The following KHDRBS3 variants were observed in gnomAD, a reference collection of about 807,000 sequenced individuals.
The protein encoded by KHDRBS3 is KH RNA binding domain containing, signal transduction associated 3, also known as KH domain-containing, RNA-binding, signal transduction-associated protein 3.
KHDRBS3 carries 23 observed loss-of-function variants against 45.6 expected under a neutral mutation model. The observed-to-expected ratio is 0.50, with a 90% confidence interval of 0.36 to 0.72. The LOEUF is 0.72. KHDRBS3 is among the 30% of genes least tolerant of loss of function. The probability of loss-of-function intolerance (pLI) is 0.00; values close to 1 mark genes in which losing one functional copy is unlikely to be tolerated. For synonymous variants in KHDRBS3, 162 were observed against 156.5 expected (o/e 1.04, Z -0.26); for missense variants, 352 against 424.8 (o/e 0.83, Z 1.51).
intron 5 of KHDRBS3, among the ~76,000 whole-genome samples, chr8:135,558,778 AT>A (rs11365631): frequency 0.8 from 120,220 of 150,616 alleles, 48,408 homozygotes; most frequent in East Asian, 0.96. Context: ...ATTACCACAG[AT>A]TTTTTTTTTT....
At chr8:135,620,888 CCTG>C (rs1427264429) in intron 7 of KHDRBS3, among the ~76,000 whole-genome samples, 3 of 152,182 alleles carry the variant, frequency 2.0e-5, no homozygotes, top group Non-Finnish European at 4.4e-5. Flanking sequence ...TTTATAGAGT[CCTG>C]CAGCAGCAGG....
chr8:135,550,345 G>A (rs951325055), intron 4 of KHDRBS3, among the ~76,000 whole-genome samples: 8 of 152,056 alleles, frequency 5.3e-5, no homozygotes, highest in Admixed American at 1.3e-4. Flanking sequence ...ATTTTCTACT[G>A]TTTTATTTTA....
intron 1 of KHDRBS3, among the ~76,000 whole-genome samples, chr8:135,510,831 C>T (rs375761405): frequency 5.3e-5 from 8 of 152,210 alleles, no homozygotes; most frequent in African/African-American, 1.9e-4. Context: ...TGGTCATTCA[C>T]TCTAAGTTGG....
At chr8:135,509,974 C>CTTTT (rs1237666093) in intron 1 of KHDRBS3, among the ~76,000 whole-genome samples, 4 of 122,932 alleles carry the variant, frequency 3.3e-5, no homozygotes, top group South Asian at 5.4e-4. Context: ...TTCCCCCCCC[C>CTTTT]TTTTTTTTTT....
chr8:135,490,006 T>A (rs1365153966), intron 1 of KHDRBS3, among the ~76,000 whole-genome samples: 1 of 152,182 alleles, frequency 6.6e-6, no homozygotes, highest in Admixed American at 6.5e-5. Flanking sequence ...TAGATTTAGA[T>A]ACACAAATAC....
At chr8:135,626,052 A>G (rs1459652643) in intron 7 of KHDRBS3, 1 of 578,488 alleles carries the variant, frequency 1.7e-6, no homozygotes, top group Non-Finnish European at 3.1e-6. Flanking sequence ...CTTTTTAGGC[A>G]AGAATGAATG....
intron 7 of KHDRBS3, among the ~76,000 whole-genome samples, chr8:135,611,469 GT>G (rs1829702872): frequency 6.6e-6 from 1 of 151,870 alleles, no homozygotes; most frequent in Non-Finnish European, 1.5e-5. Context: ...ATAGTGTGGG[GT>G]GAAGAAATGG....
chr8:135,465,481 A>G (rs1340472381), intron 1 of KHDRBS3, among the ~76,000 whole-genome samples: 2 of 152,160 alleles, frequency 1.3e-5, no homozygotes, highest in Non-Finnish European at 2.9e-5. Context: ...TAGTTTTCCA[A>G]TCCAGGAAAT....
chr8:135,476,526 C>T (rs4448309), intron 1 of KHDRBS3, among the ~76,000 whole-genome samples: 121,770 of 152,166 alleles, frequency 0.8, 49,250 homozygotes, highest in East Asian at 0.96. Context: ...CTCATCTTAA[C>T]ACACTGCAGT....
chr8:135,458,679 C>T, intron 1 of KHDRBS3: 1 of 360,978 alleles, frequency 2.8e-6, no homozygotes, highest in Admixed American at 3.7e-5. Flanking sequence ...GAGCACCGTT[C>T]CGGAGGGCGT....
intron 2 of KHDRBS3, 25 bp downstream of exon 2, chr8:135,521,380 A>T (rs370756198): frequency 3.1e-6 from 4 of 1,274,722 alleles, no homozygotes; most frequent in Non-Finnish European, 4.5e-6. Context: ...TCTACACTGC[A>T]GGTATTTTAA....
chr8:135,481,647 G>T (rs2317268), intron 1 of KHDRBS3, among the ~76,000 whole-genome samples: 121,768 of 152,176 alleles, frequency 0.8, 49,242 homozygotes, highest in East Asian at 0.96. Flanking sequence ...TTTTTAGAAG[G>T]TGAATAACTA....
At chr8:135,617,931 T>G (rs1488777867) in intron 7 of KHDRBS3, among the ~76,000 whole-genome samples, 3 of 152,200 alleles carry the variant, frequency 2.0e-5, no homozygotes, top group Admixed American at 2.0e-4. Flanking sequence ...AGCACAGACT[T>G]GAGGACAGAG....
chr8:135,531,217 C>T (rs7006690), intron 2 of KHDRBS3, among the ~76,000 whole-genome samples: 4,482 of 152,196 alleles, frequency 0.029, 212 homozygotes, highest in African/African-American at 0.1. Flanking sequence ...GTTACTTGTA[C>T]ACTTCATTGA....
chr8:135,536,262 T>TTTTTTTTTTTTA (rs1491256544), intron 2 of KHDRBS3, among the ~76,000 whole-genome samples: 15 of 98,760 alleles, frequency 1.5e-4, no homozygotes, highest in African/African-American at 3.4e-4. Flanking sequence ...TTTTTTTTTT[T>TTTTTTTTTTTTA]ATTATTGTTT....
At chr8:135,492,742 A>G (rs1823223243) in intron 1 of KHDRBS3, among the ~76,000 whole-genome samples, 1 of 152,034 alleles carries the variant, frequency 6.6e-6, no homozygotes, top group Admixed American at 6.6e-5. Context: ...AAGTTCTTCA[A>G]CTTTGTTTTT....
chr8:135,500,241 G>A (rs528611138), intron 1 of KHDRBS3, among the ~76,000 whole-genome samples: 16 of 152,090 alleles, frequency 1.1e-4, no homozygotes, highest in African/African-American at 3.6e-4. Context: ...TCATAAGCCA[G>A]GATTTGGTAG....
At chr8:135,610,345 A>G (rs1190418416) in intron 7 of KHDRBS3, among the ~76,000 whole-genome samples, 2 of 151,932 alleles carry the variant, frequency 1.3e-5, no homozygotes, top group Non-Finnish European at 2.9e-5. Flanking sequence ...GTAGGTGACT[A>G]ATCCCAAATG....
chr8:135,475,344 T>C (rs1334263438), intron 1 of KHDRBS3, among the ~76,000 whole-genome samples: 1 of 152,010 alleles, frequency 6.6e-6, no homozygotes, highest in Admixed American at 6.5e-5. Context: ...GGAGTTTCGC[T>C]CTTTTGCCCA....
Sources: gnomAD v4.1 joint callset for allele counts (sites outside exome capture counted in the v4.1 genomes callset) on GRCh38, gnomAD v4.1.1 for gene constraint, MANE v1.5 for transcripts, NCBI Gene and HGNC (gene_info 2026-07-23, HGNC 2026-07-21) for gene names.